The following GRIK2 variants were observed in gnomAD, a reference collection of about 807,000 sequenced individuals.
GRIK2 encodes the protein glutamate ionotropic receptor kainate type subunit 2, also known as glutamate receptor ionotropic, kainate 2.
In GRIK2, 32 loss-of-function variants were observed where a neutral mutation model predicts 100.3. That is an observed-to-expected ratio of 0.32 (90% CI 0.24 to 0.43). GRIK2 has a LOEUF of 0.43. Ranked by LOEUF, GRIK2 falls within the 20% of genes least tolerant of loss-of-function variation. The pLI is 1.00. For synonymous variants in GRIK2, 417 were observed against 389.4 expected (o/e 1.07, Z -0.83); for missense variants, 843 against 1,114.9 (o/e 0.76, Z 3.47).
At chr6:101,969,970 TATA>T (rs1792938403) in intron 14 of GRIK2, among the ~76,000 whole-genome samples, 1 of 152,162 alleles carries the variant, frequency 6.6e-6, no homozygotes, top group African/African-American at 2.4e-5. Flanking sequence ...CTCTTTTTCC[TATA>T]ATGTTCTCAA....
rs145563772 is a variant in GRIK2 at position 101,802,400 on chromosome 6, T to C, written c.1165T>C (p.Leu389=). 3.7e-4 allele frequency: 592 copies of C among 1,586,922 alleles called. 2 individuals carry two copies. The African/African-American group carries it at 7.6e-3, about 20-fold the overall frequency. The part of the protein sequence containing the change: ...KTNGLRTDFD[L]DVISLKEEGL... Reference sequence around the variant, plus strand: ...CAATGGCTTGAGAACAGATTTTGATTTGGATGTGATCAGTCTGAAGGAAGA... The same window carrying C: ...CAATGGCTTGAGAACAGATTTTGATCTGGATGTGATCAGTCTGAAGGAAGA... Residue 389 remains leucine, a synonymous_variant, in exon 9 of 17, where the codon TTG becomes CTG. Coordinates refer to ENST00000369134, the MANE Select transcript of GRIK2 (RefSeq NM_021956.5).
At chr6:101,736,812 A>G (rs1775667841) in intron 7 of GRIK2, among the ~76,000 whole-genome samples, 1 of 152,132 alleles carries the variant, frequency 6.6e-6, no homozygotes, top group Admixed American at 6.6e-5. Flanking sequence ...GCTTGAATTT[A>G]TGCTCAGAAT....
At chr6:101,452,364 A>G (rs1057344220) in intron 2 of GRIK2, among the ~76,000 whole-genome samples, 1 of 151,816 alleles carries the variant, frequency 6.6e-6, no homozygotes, top group Non-Finnish European at 1.5e-5. Flanking sequence ...TCATGGGGGA[A>G]CTTTAAAAGA....
At chr6:101,999,898 G>A (rs1166730453) in intron 14 of GRIK2, among the ~76,000 whole-genome samples, 4 of 151,870 alleles carry the variant, frequency 2.6e-5, no homozygotes, top group African/African-American at 7.2e-5. Flanking sequence ...ACAATAGCTC[G>A]ATTTATCTTA....
In GRIK2 at chr6:102,031,466, T is replaced by C. The variant is rs1168290653; in HGVS notation, c.2086-3875T>C. Among the ~76,000 whole-genome samples, 8 of 141,904 alleles carry C rather than the reference T, an allele frequency of 5.6e-5. No homozygotes were observed. The Admixed American group carries it at 5.7e-4, about 10-fold the overall frequency. The allele number at this position is 141,904 out of a possible 152,430, so 93.1% of individuals were successfully genotyped here. On this transcript the variant is annotated intron_variant, in intron 14 of 16. Transcript: ENST00000369134. ...TTATTTATTTTTATTTTAAAAATTT[T>C]TAATAATTTCAACTTATTTTAGATT...
At chr6:101,881,304 T>G (rs1326193509) in intron 11 of GRIK2, among the ~76,000 whole-genome samples, 2 of 151,858 alleles carry the variant, frequency 1.3e-5, no homozygotes, top group Admixed American at 6.6e-5. Context: ...GTAATTATCT[T>G]TGGCAGAATA....
intron 4 of GRIK2, among the ~76,000 whole-genome samples, chr6:101,674,824 A>G (rs1182395364): frequency 6.6e-6 from 1 of 152,178 alleles, no homozygotes; most frequent in African/African-American, 2.4e-5. Context: ...ACAGTGAAGC[A>G]ACTTTATGGG....
intron 14 of GRIK2, among the ~76,000 whole-genome samples, chr6:101,995,368 T>G (rs1330439712): frequency 1.3e-5 from 2 of 151,978 alleles, no homozygotes; most frequent in Non-Finnish European, 2.9e-5. Context: ...ATTCCATAGA[T>G]TTAAAATTGG....
Position 101,843,045 on chromosome 6 carries a change from C to A in GRIK2, c.1318-16242C>A, listed in dbSNP as rs1437182550. Among the ~76,000 whole-genome samples the A allele has an allele frequency of 2.6e-5, 4 of 152,088 alleles. 1 individual carries two copies. The highest frequency in any genetic ancestry group is 5.9e-5 in the Non-Finnish European group (4 of 68,010). On this transcript the variant is annotated intron_variant, in intron 10 of 16. Transcript: ENST00000369134. ...CTTCTAATCTTTGGATGCAAAATGT[C>A]TTCATTTTTCGATTGGCTCCATCTT...
intron 2 of GRIK2, among the ~76,000 whole-genome samples, chr6:101,406,503 T>A (rs1184774845): frequency 6.6e-6 from 1 of 152,168 alleles, no homozygotes; most frequent in African/African-American, 2.4e-5. Context: ...TCTTTTTGGT[T>A]AAGTATTGCC....
At chr6:101,798,515 T>C (rs1386308526) in intron 7 of GRIK2, among the ~76,000 whole-genome samples, 2 of 152,112 alleles carry the variant, frequency 1.3e-5, no homozygotes, top group East Asian at 3.9e-4. Context: ...TGCATTGTGC[T>C]CTTTAGCCAT....
chr6:101,942,036 A>C (rs190511235), intron 14 of GRIK2, among the ~76,000 whole-genome samples: 167 of 152,248 alleles, frequency 1.1e-3, no homozygotes, highest in Non-Finnish European at 1.9e-3. Context: ...TTTCAGCTAG[A>C]AATAGAAAAT....
At chr6:101,912,836 A>AT (rs983837058) in intron 12 of GRIK2, among the ~76,000 whole-genome samples, 2 of 151,606 alleles carry the variant, frequency 1.3e-5, no homozygotes, top group Admixed American at 1.3e-4. Flanking sequence ...AACCAGTCAT[A>AT]TTTTAGATCC....
chr6:101,824,389 G>C (rs1007944682), intron 10 of GRIK2, among the ~76,000 whole-genome samples: 2 of 152,032 alleles, frequency 1.3e-5, no homozygotes, highest in Non-Finnish European at 2.9e-5. Flanking sequence ...TACAGTGTTT[G>C]GTTTTCTATT....
intron 7 of GRIK2, among the ~76,000 whole-genome samples, chr6:101,792,760 G>T (rs1017296021): frequency 6.6e-6 from 1 of 152,022 alleles, no homozygotes; most frequent in African/African-American, 2.4e-5. Context: ...GGCCTGCCTT[G>T]CTAGGTTGGG....
chr6:101,656,484 A>G (rs1321544340), intron 4 of GRIK2, among the ~76,000 whole-genome samples: 1 of 152,162 alleles, frequency 6.6e-6, no homozygotes, highest in African/African-American at 2.4e-5. Flanking sequence ...TCATTTCAGC[A>G]AATAGGATAA....
At chr6:101,455,356 C>T (rs1038827731) in intron 2 of GRIK2, among the ~76,000 whole-genome samples, 1 of 152,014 alleles carries the variant, frequency 6.6e-6, no homozygotes, top group Admixed American at 6.6e-5. Context: ...CAAAACAATG[C>T]TTCTTAAGTG....
At chr6:101,570,473 G>A (rs1325991924) in intron 2 of GRIK2, among the ~76,000 whole-genome samples, 1 of 151,908 alleles carries the variant, frequency 6.6e-6, no homozygotes, top group African/African-American at 2.4e-5. Flanking sequence ...TTTCTGCCCA[G>A]CCTCCCCCTT....
At chr6:101,445,402 C>G (rs1302905371) in intron 2 of GRIK2, among the ~76,000 whole-genome samples, 4 of 151,902 alleles carry the variant, frequency 2.6e-5, no homozygotes, top group Non-Finnish European at 4.4e-5. Context: ...ACCACAACAT[C>G]TTACTCCAAC....
Sources: gnomAD v4.1 joint callset for allele counts (sites outside exome capture counted in the v4.1 genomes callset) on GRCh38, gnomAD v4.1.1 for gene constraint, MANE v1.5 for transcripts, NCBI Gene and HGNC (gene_info 2026-07-23, HGNC 2026-07-21) for gene names.